The following TMEM117 variants were observed in gnomAD, a reference collection of about 807,000 sequenced individuals.
The protein encoded by TMEM117 is transmembrane protein 117.
In TMEM117, 27 loss-of-function variants were observed where a neutral mutation model predicts 52.4. The ratio of observed to expected loss-of-function variants is 0.51; its 90% CI spans 0.38 to 0.71. The LOEUF is 0.71. Ranked by LOEUF, TMEM117 falls within the 30% of genes least tolerant of loss-of-function variation. The pLI is 0.00. For missense variants in TMEM117, 556 were observed against 630.5 expected, an observed-to-expected ratio of 0.88 and a Z score of 1.26; for synonymous variants, 215 against 206.3, an observed-to-expected ratio of 1.04 and a Z score of -0.36.
intron 2 of TMEM117, among the ~76,000 whole-genome samples, chr12:43,943,165 A>G (rs1945072590): frequency 8.8e-6 from 1 of 113,838 alleles, no homozygotes; most frequent in Admixed American, 1.3e-4. Context: ...CAACAGAGCA[A>G]GACTCTGTCT....
chr12:43,871,010 C>T (rs1943694826), intron 2 of TMEM117, among the ~76,000 whole-genome samples: 1 of 152,110 alleles, frequency 6.6e-6, no homozygotes, highest in Admixed American at 6.5e-5. Flanking sequence ...GTCTCGAACT[C>T]CTGACCTCAG....
intron 2 of TMEM117, among the ~76,000 whole-genome samples, chr12:43,864,039 C>G (rs1447991762): frequency 2.6e-5 from 4 of 152,212 alleles, no homozygotes. Context: ...GCACCCGGGC[C>G]AGCAGCTGTG....
At chr12:43,872,272 T>A (rs1943719313) in intron 2 of TMEM117, among the ~76,000 whole-genome samples, 1 of 152,196 alleles carries the variant, frequency 6.6e-6, no homozygotes, top group South Asian at 2.1e-4. Flanking sequence ...ATTTTTGGCT[T>A]ATATCCTGTA....
At chr12:44,262,911 C>G (rs1407443587) in intron 5 of TMEM117, among the ~76,000 whole-genome samples, 1 of 152,134 alleles carries the variant, frequency 6.6e-6, no homozygotes, top group African/African-American at 2.4e-5. Context: ...ATATTGCTGT[C>G]TTACTAAAAT....
At chr12:44,060,769 G>A (rs1292241771) in intron 3 of TMEM117, among the ~76,000 whole-genome samples, 1 of 152,236 alleles carries the variant, frequency 6.6e-6, no homozygotes, top group East Asian at 1.9e-4. Flanking sequence ...TGAGTTTTCT[G>A]AGAGAGAGAC....
At chr12:44,148,756 C>A (rs1948680973) in intron 4 of TMEM117, among the ~76,000 whole-genome samples, 1 of 152,048 alleles carries the variant, frequency 6.6e-6, no homozygotes, top group South Asian at 2.1e-4. Flanking sequence ...ATTCCTAACA[C>A]CCAACACAGA....
intron 3 of TMEM117, among the ~76,000 whole-genome samples, chr12:44,086,980 A>ATATATAATTAATAATTATAAATTATGTAT (rs1333226158): frequency 7.5e-4 from 109 of 145,274 alleles, no homozygotes; most frequent in African/African-American, 2.5e-3. Flanking sequence ...AAATTATATA[A>ATATATAATTAATAATTATAAATTATGTAT]TATATAATTA....
Position 44,388,321 on chromosome 12 carries a change from TC to T in TMEM117, c.1196del (p.Pro399GlnfsTer3). The T allele has an allele frequency of 1.2e-6, 2 of 1,613,652 alleles. No homozygotes were observed. Among genetic ancestry groups the T allele is most frequent in the African/African-American group, 1.3e-5 (1 of 74,998 alleles). ...TTGATGTCAAGTGTCTGGCCTTTGTTCCAAGCCTGATAGCCTTTGTGTGGTT... is the reference window on the plus strand; with the variant it reads ...TTGATGTCAAGTGTCTGGCCTTTGTTCAAGCCTGATAGCCTTTGTGTGGTT... The part of the protein sequence containing the change: ...SLDVKCLAFV[P>X]SLIAFVWFGF... On this transcript the variant is annotated frameshift_variant, in exon 8 of 8. Coordinates refer to ENST00000266534, the MANE Select transcript of TMEM117 (RefSeq NM_032256.3). LOFTEE classifies it high-confidence loss of function.
intron 3 of TMEM117, among the ~76,000 whole-genome samples, chr12:44,121,444 C>G (rs1948232864): frequency 6.6e-6 from 1 of 152,170 alleles, no homozygotes; most frequent in African/African-American, 2.4e-5. Context: ...TCAGCCAAGT[C>G]AGCGTAAAGA....
intron 2 of TMEM117, among the ~76,000 whole-genome samples, chr12:43,898,110 T>G (rs1441891630): frequency 6.6e-6 from 1 of 152,024 alleles, no homozygotes; most frequent in Non-Finnish European, 1.5e-5. Context: ...TAATTTCTGC[T>G]CTTTACTTAT....
intron 2 of TMEM117, among the ~76,000 whole-genome samples, chr12:43,908,715 G>C (rs975769536): frequency 2.6e-5 from 4 of 152,062 alleles, no homozygotes; most frequent in African/African-American, 7.2e-5. Flanking sequence ...TGATAAAACA[G>C]GCTTTAAGCC....
intron 2 of TMEM117, among the ~76,000 whole-genome samples, chr12:43,871,753 C>T (rs756216570): frequency 3.3e-5 from 5 of 152,166 alleles, no homozygotes; most frequent in Non-Finnish European, 7.3e-5. Flanking sequence ...AATAATGTTT[C>T]ATAAAAGAGT....
intron 5 of TMEM117, among the ~76,000 whole-genome samples, chr12:44,218,550 AG>A (rs1420364542): frequency 6.6e-6 from 1 of 152,172 alleles, no homozygotes; most frequent in African/African-American, 2.4e-5. Flanking sequence ...AAAACCCGAA[AG>A]CTTCTCCTCT....
chr12:43,855,669 C>A (rs536839449), intron 2 of TMEM117, among the ~76,000 whole-genome samples: 7 of 152,268 alleles, frequency 4.6e-5, no homozygotes, highest in Non-Finnish European at 1.0e-4. Flanking sequence ...AAGACAAATT[C>A]TAGTTTGTAT....
chr12:44,388,786 C>G lies in TMEM117; in HGVS notation c.*114C>G. On this transcript the variant is annotated 3_prime_UTR_variant, in exon 8 of 8. Transcript: ENST00000266534. ...ACGTAGTGTTAGGTAAAAATATGAA[C>G]AATGCCACAACGGTGCTCAACATGC... 8.7e-7 allele frequency: 1 copy of G among 1,154,282 alleles called. No individual in the cohort carries two copies. The highest frequency in any genetic ancestry group is 2.7e-4 in the Middle Eastern group (1 of 3,686). 71.5% of individuals were successfully genotyped at this position (1,154,282 alleles called of 1,614,324 possible).
At chr12:43,982,176 G>A (rs1945771219) in intron 3 of TMEM117, among the ~76,000 whole-genome samples, 1 of 152,160 alleles carries the variant, frequency 6.6e-6, no homozygotes, top group African/African-American at 2.4e-5. Context: ...TCATTTTAAT[G>A]TATAAATAGG....
intron 5 of TMEM117, among the ~76,000 whole-genome samples, chr12:44,289,842 A>G (rs1234633641): frequency 2.0e-5 from 3 of 151,982 alleles, no homozygotes; most frequent in Non-Finnish European, 2.9e-5. Flanking sequence ...CACTGAGTCT[A>G]GGGATCCCTT....
intron 4 of TMEM117, among the ~76,000 whole-genome samples, chr12:44,180,686 T>G (rs1455088298): frequency 6.6e-6 from 1 of 152,046 alleles, no homozygotes. Context: ...CATGAACTCA[T>G]CATTTTTTAT....
intron 6 of TMEM117, among the ~76,000 whole-genome samples, chr12:44,308,619 CTTTT>C (rs35047531): frequency 7.3e-6 from 1 of 137,930 alleles, no homozygotes; most frequent in East Asian, 2.1e-4. Flanking sequence ...TTCTTTGTAA[CTTTT>C]TTTTTTTTTT....
Sources: gnomAD v4.1 joint callset for allele counts (sites outside exome capture counted in the v4.1 genomes callset) on GRCh38, gnomAD v4.1.1 for gene constraint, MANE v1.5 for transcripts, NCBI Gene and HGNC (gene_info 2026-07-23, HGNC 2026-07-21) for gene names.